The following ITPRID1 variants were observed in gnomAD, a reference collection of about 807,000 sequenced individuals.
ITPRID1 encodes the protein ITPR interacting domain containing 1.
ITPRID1 carries 96 observed loss-of-function variants against 95.4 expected under a neutral mutation model. That is an observed-to-expected ratio of 1.01 (90% confidence interval 0.85 to 1.19). ITPRID1 has a LOEUF of 1.19. Among genes scored for constraint, ITPRID1 ranks in the 50% most tolerant of loss-of-function variants. The pLI is 0.00. For missense variants in ITPRID1, 1,339 were observed against 1,252.9 expected, an observed-to-expected ratio of 1.07 and a Z score of -1.04; for synonymous variants, 510 against 453.6, an observed-to-expected ratio of 1.12 and a Z score of -1.58.
At position 31,642,161 on chromosome 7, in the gene ITPRID1, T is replaced by G. The variant is rs1382218759; in HGVS notation, c.1229-15T>G. 1.3e-6 allele frequency: 2 copies of G among 1,549,220 alleles called. No individual in the cohort carries two copies. Among genetic ancestry groups the G allele is most frequent in the South Asian group, 1.2e-5 (1 of 83,934 alleles). The stretch of plus-strand genomic sequence containing the variant: ...TTTTCCCTTTAATAACCTCAAGACC[T>G]CTTTCATTCTGCAGGTGCCAGGGTG... On this transcript the variant is annotated splice_polypyrimidine_tract_variant and intron_variant, in intron 10 of 14. Coordinates refer to ENST00000615280, the MANE Select transcript of ITPRID1 (RefSeq NM_001257967.3).
rs1255934509 is a variant in ITPRID1, at chr7:31,574,723, T to G, written c.579T>G (p.Ile193Met). Residue 193 changes from isoleucine (I) to methionine (M), a missense_variant, in exon 8 of 15, where the codon ATT (isoleucine) becomes ATG (methionine). By Grantham distance (10) the Ile-to-Met change is conservative. Transcript: ENST00000615280. ...AAGCTCAAAAGCAGCGAATGGACATTGAGAACCCCAACTTGTACGGTAAGC... is the reference window on the plus strand; with the variant it reads ...AAGCTCAAAAGCAGCGAATGGACATGGAGAACCCCAACTTGTACGGTAAGC... ...FLEAQKQRMDIENPNLYGRFR... is the reference protein window; with the variant it reads ...FLEAQKQRMDMENPNLYGRFR... The G allele has an allele frequency of 6.2e-7, 1 of 1,613,614 alleles. No individual in the cohort carries two copies. The highest frequency in any genetic ancestry group is 1.3e-5 in the African/African-American group (1 of 74,880).
intron 5 of ITPRID1, among the ~76,000 whole-genome samples, chr7:31,565,311 T>TCATTTTTTAAACTC (rs1784759660): frequency 6.6e-6 from 1 of 152,138 alleles, no homozygotes; most frequent in Admixed American, 6.5e-5. Flanking sequence ...ATCTTGTGAG[T>TCATTTTTTAAACTC]TTAAAAAATC....
At chr7:31,550,050 G>A (rs750149351) in intron 2 of ITPRID1, among the ~76,000 whole-genome samples, 2 of 152,122 alleles carry the variant, frequency 1.3e-5, no homozygotes, top group Admixed American at 6.6e-5. Flanking sequence ...TAGAATTAAT[G>A]TAACAGAGCC....
chr7:31,515,790 T>C (rs1474578766), intron 1 of ITPRID1, among the ~76,000 whole-genome samples: 5 of 152,150 alleles, frequency 3.3e-5, no homozygotes, highest in Non-Finnish European at 4.4e-5. Flanking sequence ...AAATGATATA[T>C]TTCTTATCTA....
At chr7:31,572,685 T>C (rs1785032934) in intron 7 of ITPRID1, among the ~76,000 whole-genome samples, 1 of 152,278 alleles carries the variant, frequency 6.6e-6, no homozygotes, top group East Asian at 1.9e-4. Context: ...TGAAAGCATT[T>C]TGTGTACTAT....
chr7:31,629,202 T>A (rs1429378505), intron 10 of ITPRID1, among the ~76,000 whole-genome samples: 2 of 152,230 alleles, frequency 1.3e-5, no homozygotes, highest in South Asian at 4.1e-4. Context: ...CTATTCAAAA[T>A]CGGATCTGCC....
chr7:31,576,904 A>G (rs1296456829), intron 8 of ITPRID1, among the ~76,000 whole-genome samples: 5 of 151,028 alleles, frequency 3.3e-5, no homozygotes, highest in Non-Finnish European at 1.5e-5. Flanking sequence ...ATCTTGAGAT[A>G]CCAAAAATAT....
At chr7:31,628,709 G>A (rs1342678764) in intron 10 of ITPRID1, among the ~76,000 whole-genome samples, 1 of 152,086 alleles carries the variant, frequency 6.6e-6, no homozygotes, top group Non-Finnish European at 1.5e-5. Flanking sequence ...GCCCGCCTCG[G>A]CCTCCGAAAG....
chr7:31,642,896 A>C lies in ITPRID1; in HGVS notation c.1526A>C (p.Glu509Ala). The C allele has an allele frequency of 6.2e-7, 1 of 1,614,028 alleles. No homozygotes were observed. The highest frequency in any genetic ancestry group is 8.5e-7 in the Non-Finnish European group (1 of 1,179,894). The change falls in exon 12 of 15, where the codon GAG (glutamate) becomes GCG (alanine). Residue 509 changes from glutamate to alanine, a missense_variant. Physicochemically the swap from Glu to Ala is moderately radical, Grantham distance 107 (BLOSUM62 -1). Coordinates refer to ENST00000615280, the MANE Select transcript of ITPRID1 (RefSeq NM_001257967.3). ...GTGATGGAGGAAGAGTTTCTGCTTGAGGCCATGGAGGGGCCACCAGAGCTG... is the reference window on the plus strand; with the variant it reads ...GTGATGGAGGAAGAGTTTCTGCTTGCGGCCATGGAGGGGCCACCAGAGCTG... Reference protein sequence around the residue: ...VSVMEEEFLLEAMEGPPELYI... With the variant: ...VSVMEEEFLLAAMEGPPELYI...
chr7:31,649,922 G>A (rs1406563140), intron 12 of ITPRID1, among the ~76,000 whole-genome samples: 3 of 152,182 alleles, frequency 2.0e-5, no homozygotes, highest in Non-Finnish European at 4.4e-5. Flanking sequence ...TTTGTGCAGA[G>A]GTGATTTGGG....
rs551333540 is a variant in ITPRID1, at chr7:31,556,014, A to G, written c.256+1113A>G. Among the ~76,000 whole-genome samples the G allele has an allele frequency of 2.0e-5, 3 of 152,332 alleles. No individual in the cohort carries two copies. In the East Asian group the frequency reaches 5.8e-4, roughly 29 times the overall value. On this transcript the variant is annotated intron_variant, in intron 5 of 14. Coordinates refer to ENST00000615280, the MANE Select transcript of ITPRID1 (RefSeq NM_001257967.3). ...AGACTCAAGGAAAAGCAAAAACTTC[A>G]GAAAAATAGCCAGCATTTCATATCC...
intron 10 of ITPRID1, among the ~76,000 whole-genome samples, chr7:31,639,535 TTTG>T (rs749337013): frequency 2.9e-4 from 6 of 20,654 alleles, no homozygotes; most frequent in Admixed American, 7.6e-4. Context: ...TTTGTTTGTT[TTTG>T]TTTTTTTTTT....
intron 10 of ITPRID1, among the ~76,000 whole-genome samples, chr7:31,631,424 C>T (rs1456273915): frequency 6.6e-6 from 1 of 152,158 alleles, no homozygotes; most frequent in Non-Finnish European, 1.5e-5. Flanking sequence ...ACAAAATGCC[C>T]TAAATACATA....
At position 31,656,097 on chromosome 7, in the gene ITPRID1, T is replaced by G; in HGVS notation, c.*3268T>G. On this transcript the variant is annotated 3_prime_UTR_variant, in exon 15 of 15. Transcript: ENST00000615280. ...TTTCCTTGATGATCTGTGGCAGAAG[T>G]GATCCTTATTTTTTGAAACTCCTAT... 1.1e-6 allele frequency: 1 copy of G among 883,832 alleles called. No individual in the cohort carries two copies. The highest frequency in any genetic ancestry group is 1.4e-6 in the Non-Finnish European group (1 of 737,464). The allele number at this position is 883,832 out of a possible 1,614,324, so 54.7% of individuals were successfully genotyped here.
intron 10 of ITPRID1, among the ~76,000 whole-genome samples, chr7:31,615,949 G>A (rs533284584): frequency 2.8e-4 from 42 of 151,880 alleles, no homozygotes; most frequent in African/African-American, 9.7e-4. Context: ...TAGAGACGGG[G>A]TTTCACTGTG....
At chr7:31,532,602 G>T (rs1783633942) in intron 1 of ITPRID1, among the ~76,000 whole-genome samples, 1 of 152,132 alleles carries the variant, frequency 6.6e-6, no homozygotes, top group African/African-American at 2.4e-5. Context: ...TCTGCTAAGT[G>T]GTCACATGGT....
intron 10 of ITPRID1, among the ~76,000 whole-genome samples, chr7:31,622,870 TAAAGAAGAA>T: frequency 6.6e-6 from 1 of 151,932 alleles, no homozygotes; most frequent in East Asian, 1.9e-4. Context: ...GCAAGACTAA[TAAAGAAGAA>T]AAGAGAAGAC....
At chr7:31,583,933 C>T (rs1785497345) in intron 10 of ITPRID1, among the ~76,000 whole-genome samples, 1 of 152,194 alleles carries the variant, frequency 6.6e-6, no homozygotes, top group African/African-American at 2.4e-5. Context: ...AAGTTCTCTG[C>T]TAGCCCTTGC....
At chr7:31,569,418 C>A (rs1010231939) in intron 5 of ITPRID1, among the ~76,000 whole-genome samples, 1 of 152,140 alleles carries the variant, frequency 6.6e-6, no homozygotes, top group South Asian at 2.1e-4. Flanking sequence ...TCTTTAAGGG[C>A]AATGTGTCTT....
Sources: allele counts gnomAD v4.1 joint callset (sites outside exome capture counted in the v4.1 genomes callset), GRCh38; gene constraint gnomAD v4.1.1; transcripts MANE v1.5; gene names NCBI Gene and HGNC (gene_info 2026-07-23, HGNC 2026-07-21).